The following LMBR1L variants were observed in gnomAD, a reference collection of about 807,000 sequenced individuals.
LMBR1L encodes the protein limb development membrane protein 1 like, also known as protein LMBR1L.
LMBR1L carries 47 observed loss-of-function variants against 67.3 expected under a neutral mutation model. The ratio of observed to expected loss-of-function variants is 0.70; its 90% confidence interval spans 0.55 to 0.89. The LOEUF is 0.89. Among genes scored for constraint, LMBR1L ranks in the 40% least tolerant of loss-of-function variants. LMBR1L has a pLI of 0.00. For synonymous variants in LMBR1L, 247 were observed against 250.3 expected, an observed-to-expected ratio of 0.99 and a Z score of 0.13; for missense variants, 533 against 599.2, an observed-to-expected ratio of 0.89 and a Z score of 1.15.
Position 49,101,187 on chromosome 12 carries a change from G to A in LMBR1L, c.1082+63C>T, listed in dbSNP as rs375651055. Reference sequence around the variant, plus strand: ...AGGAGACAAAGTCCAAGAAGTGCTCGGTCTAGAGTCCCAGGAGACAGGTTT... The same window carrying A: ...AGGAGACAAAGTCCAAGAAGTGCTCAGTCTAGAGTCCCAGGAGACAGGTTT... On this transcript the variant is annotated intron_variant, in intron 13 of 16. Coordinates refer to ENST00000267102, the MANE Select transcript of LMBR1L (RefSeq NM_018113.4). The A allele has an allele frequency of 1.4e-3, 2,202 of 1,613,418 alleles. 4 individuals carry two copies. The highest frequency in any genetic ancestry group is 1.7e-3 in the Non-Finnish European group (1,987 of 1,179,762).
intron 16 of LMBR1L, 84 bp downstream of exon 16, chr12:49,097,860 T>TCTCCCCTG: frequency 6.3e-7 from 1 of 1,591,970 alleles, no homozygotes; most frequent in South Asian, 1.1e-5. Flanking sequence ...AAGCACACCC[T>TCTCCCCTG]CTCCCCTGCT....
intron 2 of LMBR1L, chr12:49,106,722 G>T (rs753899150): frequency 3.1e-6 from 3 of 969,000 alleles, no homozygotes; most frequent in Non-Finnish European, 4.8e-6. Context: ...GGTAGACATT[G>T]TTACGCCCAT....
rs1402897766 is a variant in LMBR1L, at chr12:49,101,656, C to G, written c.931-107G>C. ...CAACATTTTCAGTTTCCAAGACTAG[C>G]TCTGCTTCCAATGAGCTATATGGGA... On this transcript the variant is annotated intron_variant, in intron 11 of 16. Transcript: ENST00000267102. 6 of 782,690 alleles carry G rather than the reference C, an allele frequency of 7.7e-6. No homozygotes were observed. In the East Asian group the frequency reaches 1.3e-4, roughly 17 times the overall value. 48.5% of individuals were successfully genotyped at this position (782,690 alleles called of 1,614,324 possible). A position where few individuals can be genotyped will look rare whatever the true frequency, so the allele number is the denominator to read the frequency against.
Position 49,102,071 on chromosome 12 carries a change from C to G in LMBR1L, c.930+49G>C, listed in dbSNP as rs12320695. On this transcript the variant is annotated intron_variant, in intron 11 of 16. Transcript: ENST00000267102. ...ATTGCCTCCCCTCTCCCTGAGAAGG[C>G]CTCAAGTACTGAGGGTCCACTCCTC... 6.3e-3 allele frequency: 9,587 copies of G among 1,526,782 alleles called. 512 individuals carry two copies. In the African/African-American group the frequency reaches 0.11, roughly 18 times the overall value. 94.6% of individuals were successfully genotyped at this position (1,526,782 alleles called of 1,614,324 possible). A position where few individuals can be genotyped will look rare whatever the true frequency, so the allele number is the denominator to read the frequency against.
intron 13 of LMBR1L, chr12:49,101,027 CCT>C: frequency 1.0e-6 from 1 of 988,868 alleles, no homozygotes; most frequent in Non-Finnish European, 1.4e-6. Context: ...CTGCACCTGG[CCT>C]CTTTTTATTT....
intron 1 of LMBR1L, chr12:49,110,245 G>A (rs901790712): frequency 2.0e-5 from 12 of 585,934 alleles, no homozygotes; most frequent in African/African-American, 1.9e-4. Context: ...GGAGGGGCAG[G>A]GGAGGGGCGT....
intron 5 of LMBR1L, 82 bp downstream of exon 5, chr12:49,104,366 A>G: frequency 9.5e-7 from 1 of 1,053,242 alleles, no homozygotes; most frequent in Non-Finnish European, 1.4e-6. Flanking sequence ...ACCTCTGCAA[A>G]TAGCCTCTTT....
Position 49,110,505 on chromosome 12 carries a change from G to A in LMBR1L, c.51C>T (p.His17=), listed in dbSNP as rs2121104897. Residue 17 remains histidine (H), a synonymous_variant, in exon 1 of 17, where the codon CAC becomes CAT. Transcript: ENST00000267102. ...EVLSVREQLF[H]ERIRECIIST... ...TCACAATACACTCGCGGATCCTCTC[G>A]TGGAATAGCTGTTCTCGCACGGATA... 1 of 1,614,038 alleles carries A rather than the reference G, an allele frequency of 6.2e-7. No individual in the cohort carries two copies. Among genetic ancestry groups the A allele is most frequent in the East Asian group, 2.2e-5 (1 of 44,874 alleles).
intron 1 of LMBR1L, among the ~76,000 whole-genome samples, chr12:49,107,251 CAG>C (rs973987241): frequency 7.2e-5 from 11 of 152,224 alleles, no homozygotes; most frequent in Non-Finnish European, 1.5e-4. Flanking sequence ...AAGGGCCAGA[CAG>C]GGGCTGCCCC....
chr12:49,102,861 A>T, intron 8 of LMBR1L, 26 bp downstream of exon 8: 3 of 1,609,846 alleles, frequency 1.9e-6, no homozygotes, highest in South Asian at 2.2e-5. Context: ...ACCCTGCAGG[A>T]TCAAAGAGCA....
chr12:49,102,729 C>G (rs914013471), intron 8 of LMBR1L, among the ~76,000 whole-genome samples, 158 bp downstream of exon 8: 2 of 152,180 alleles, frequency 1.3e-5, no homozygotes, highest in African/African-American at 4.8e-5. Context: ...TGTCTAGTGA[C>G]CAGCTCTGCA....
chr12:49,103,034 C>G, intron 7 of LMBR1L, 57 bp downstream of exon 7: 1 of 1,608,160 alleles, frequency 6.2e-7, no homozygotes, highest in Non-Finnish European at 8.5e-7. Flanking sequence ...TTCCTTCTAG[C>G]CTGGTTACTC....
chr12:49,104,847 C>T lies in LMBR1L; in HGVS notation c.230G>A (p.Gly77Asp). Residue 77 changes from glycine to aspartate, a missense_variant, in exon 4 of 17, where the codon GGT becomes GAT. Transcript: ENST00000267102. ...GGAGAAGGGCAGGAGCAGGACAGCA[C>T]CCAGGGCAATTGCCAGGGTAAAGGT... is the stretch of plus-strand genomic sequence containing the variant. ...LCTFTLAIAL[G>D]AVLLLPFSII... 6.2e-7 allele frequency: 1 copy of T among 1,613,586 alleles called. No individual in the cohort carries two copies. Among genetic ancestry groups the T allele is most frequent in the Non-Finnish European group, 8.5e-7 (1 of 1,179,810 alleles).
chr12:49,110,430 A>T (rs1287839806), intron 1 of LMBR1L, 54 bp downstream of exon 1: 2 of 1,562,902 alleles, frequency 1.3e-6, no homozygotes, highest in Non-Finnish European at 1.8e-6. Context: ...CTCGGACCCC[A>T]ACCTCCCCGT....
At position 49,104,756 on chromosome 12, in the gene LMBR1L, GGAGCCGTT is replaced by G. The variant is rs1236949511; in HGVS notation, c.313_320del (p.Asn105ProfsTer29). On this transcript the variant is annotated frameshift_variant, in exon 4 of 17. Transcript: ENST00000267102. LOFTEE classifies it high-confidence loss of function. ...CCAGGAGCCACACACCATGGATGAG[GGAGCCGTT>G]GAGCCACTGGATGTAGTAGTTCCGA... is the stretch of plus-strand genomic sequence containing the variant. The G allele has an allele frequency of 1.9e-6, 3 of 1,613,508 alleles. No individual in the cohort carries two copies. The highest frequency in any genetic ancestry group is 2.5e-6 in the Non-Finnish European group (3 of 1,179,760).
Position 49,110,628 on chromosome 12 carries a change from G to C in LMBR1L, c.-73C>G. Reference sequence around the variant, plus strand: ...GACGAGCGGGGAGGAAGCCGCCGCCGCCAAGCACCCAGACCCAGCCTAGGG... The same window carrying C: ...GACGAGCGGGGAGGAAGCCGCCGCCCCCAAGCACCCAGACCCAGCCTAGGG... On this transcript the variant is annotated 5_prime_UTR_variant, in exon 1 of 17. Transcript: ENST00000267102. The C allele has an allele frequency of 7.3e-7, 1 of 1,372,130 alleles. No individual in the cohort carries two copies. Among genetic ancestry groups the C allele is most frequent in the East Asian group, 2.3e-5 (1 of 43,652 alleles). 85.0% of individuals were successfully genotyped at this position (1,372,130 alleles called of 1,614,324 possible). A position where few individuals can be genotyped will look rare whatever the true frequency, so the allele number is the denominator to read the frequency against.
intron 7 of LMBR1L, 40 bp downstream of exon 7, chr12:49,103,051 A>G: frequency 6.2e-7 from 1 of 1,610,642 alleles, no homozygotes; most frequent in East Asian, 2.2e-5. Context: ...ACTCTGGTCC[A>G]AGGACCCTGC....
chr12:49,109,970 C>T (rs1423999524), intron 1 of LMBR1L: 1 of 452,266 alleles, frequency 2.2e-6, no homozygotes, highest in Non-Finnish European at 4.4e-6. Flanking sequence ...TAGGATCCAC[C>T]CCAGCAAGAC....
intron 13 of LMBR1L, chr12:49,100,862 G>T: frequency 1.7e-6 from 1 of 579,420 alleles, no homozygotes; most frequent in South Asian, 2.2e-5. Context: ...CACGTAGCTG[G>T]GAATGCAAGC....
Sources: gnomAD v4.1 joint callset for allele counts (sites outside exome capture counted in the v4.1 genomes callset) on GRCh38, gnomAD v4.1.1 for gene constraint, MANE v1.5 for transcripts, NCBI Gene and HGNC (gene_info 2026-07-23, HGNC 2026-07-21) for gene names.